CFDP1: variants seen among roughly 807,000 people sequenced by gnomAD.
The protein encoded by CFDP1 is heterochromatin-stabilizing protein CFDP1.
In CFDP1, 31 loss-of-function variants were observed where a neutral mutation model predicts 40.1. That is an observed-to-expected ratio of 0.77 (90% confidence interval 0.58 to 1.04). CFDP1 has a LOEUF of 1.04. Among genes scored for constraint, CFDP1 ranks in the 50% least tolerant of loss-of-function variants. CFDP1 has a pLI of 0.00. For missense variants in CFDP1, 423 were observed against 343.4 expected (o/e 1.23, Z -1.83); for synonymous variants, 167 against 120.0 (o/e 1.39, Z -2.56).
intron 5 of CFDP1, among the ~76,000 whole-genome samples, chr16:75,308,458 T>C (rs1177186991): frequency 6.6e-6 from 1 of 152,168 alleles, no homozygotes; most frequent in African/African-American, 2.4e-5. Context: ...GAAAAATTAT[T>C]TTCCTCGTGT....
intron 6 of CFDP1, among the ~76,000 whole-genome samples, chr16:75,303,922 G>C (rs1184670137): frequency 6.6e-6 from 1 of 152,178 alleles, no homozygotes; most frequent in East Asian, 1.9e-4. Flanking sequence ...TCTCTGGTGG[G>C]ACACTCAACA....
rs1314989344 is a variant in CFDP1 at position 75,328,171 on chromosome 16, C to G, written c.651-22989G>C. 7.0e-5 allele frequency among the ~76,000 whole-genome samples: 9 copies of G among 129,202 alleles called. 1 individual carries two copies. The East Asian group carries it at 2.1e-3, about 30-fold the overall frequency. 84.8% of individuals were successfully genotyped at this position (129,202 alleles called of 152,430 possible). A position where few individuals can be genotyped will look rare whatever the true frequency, so the allele number is the denominator to read the frequency against. ...TTTTTTTTTTTTTTTTTTTAAGAGA[C>G]AGAGGTCTCACTATGTTGCCCAGGC... On this transcript the variant is annotated intron_variant, in intron 5 of 6. Coordinates refer to ENST00000283882, the MANE Select transcript of CFDP1 (RefSeq NM_006324.3).
At chr16:75,388,520 G>C (rs2078919925) in intron 5 of CFDP1, among the ~76,000 whole-genome samples, 1 of 152,136 alleles carries the variant, frequency 6.6e-6, no homozygotes, top group African/African-American at 2.4e-5. Flanking sequence ...ACCACAAAAG[G>C]GCAAACCCCA....
intron 1 of CFDP1, among the ~76,000 whole-genome samples, chr16:75,432,967 G>A (rs528668879): frequency 4.6e-5 from 7 of 152,314 alleles, no homozygotes; most frequent in African/African-American, 1.2e-4. Flanking sequence ...CTGCCGCCCC[G>A]ACTTCTGAAG....
At chr16:75,316,391 GAATT>G (rs2078323271) in intron 5 of CFDP1, among the ~76,000 whole-genome samples, 1 of 152,078 alleles carries the variant, frequency 6.6e-6, no homozygotes, top group Non-Finnish European at 1.5e-5. Context: ...AGACTAGGGT[GAATT>G]AATAGTAAAG....
chr16:75,384,775 G>C lies in CFDP1; in HGVS notation c.650+10315C>G, dbSNP rs138727278. On this transcript the variant is annotated intron_variant, in intron 5 of 6. Coordinates refer to ENST00000283882, the MANE Select transcript of CFDP1 (RefSeq NM_006324.3). The stretch of plus-strand genomic sequence containing the variant: ...ACCAGGCAGGCATAAAAAAAATACA[G>C]ATGTTTATATTGAACCTGGAGAGAT... 4.6e-3 allele frequency among the ~76,000 whole-genome samples: 648 copies of C among 140,202 alleles called. 3 individuals carry two copies. Among genetic ancestry groups the C allele is most frequent in the African/African-American group, 0.016 (598 of 38,480 alleles). 92.0% of individuals were successfully genotyped at this position (140,202 alleles called of 152,430 possible).
chr16:75,400,180 G>A (rs1343009642), intron 4 of CFDP1, among the ~76,000 whole-genome samples: 1 of 151,968 alleles, frequency 6.6e-6, no homozygotes, highest in African/African-American at 2.4e-5. Flanking sequence ...TGCTTGGGAG[G>A]CTGAAGCAGA....
intron 5 of CFDP1, among the ~76,000 whole-genome samples, chr16:75,320,848 G>C (rs1289531136): frequency 1.3e-5 from 2 of 152,202 alleles, no homozygotes; most frequent in African/African-American, 4.8e-5. Flanking sequence ...CATGACCTGA[G>C]TCACACCAAG....
chr16:75,373,514 T>G (rs942507228), intron 5 of CFDP1, among the ~76,000 whole-genome samples: 2 of 152,314 alleles, frequency 1.3e-5, no homozygotes, highest in African/African-American at 4.8e-5. Context: ...TCTTTTTCTC[T>G]GTGACCCCTG....
intron 5 of CFDP1, among the ~76,000 whole-genome samples, chr16:75,331,428 G>A (rs2078445360): frequency 6.6e-6 from 1 of 152,098 alleles, no homozygotes; most frequent in African/African-American, 2.4e-5. Flanking sequence ...GAAATGCACA[G>A]ATTAAAGGTA....
chr16:75,314,991 A>G (rs964458339), intron 5 of CFDP1, among the ~76,000 whole-genome samples: 1 of 152,142 alleles, frequency 6.6e-6, no homozygotes, highest in African/African-American at 2.4e-5. Context: ...ACCTCAAGTG[A>G]TCCGCCTGCC....
chr16:75,339,460 T>C (rs1163106067), intron 5 of CFDP1, among the ~76,000 whole-genome samples: 1 of 151,772 alleles, frequency 6.6e-6, no homozygotes, highest in East Asian at 1.9e-4. Flanking sequence ...ATGTGAGCTT[T>C]TCAGTTTCTT....
At chr16:75,433,179 C>G (rs1282734236) in intron 1 of CFDP1, 110 bp downstream of exon 1, 3 of 928,054 alleles carry the variant, frequency 3.2e-6, no homozygotes, top group African/African-American at 5.1e-5. Flanking sequence ...AGAACAGGAG[C>G]CCCCCTGGAC....
intron 5 of CFDP1, among the ~76,000 whole-genome samples, chr16:75,381,579 C>T (rs2078852523): frequency 6.6e-6 from 1 of 152,086 alleles, no homozygotes; most frequent in Non-Finnish European, 1.5e-5. Flanking sequence ...AGTTTTGGCC[C>T]AGCAGATGAG....
chr16:75,407,622 G>C (rs551357935), intron 4 of CFDP1, among the ~76,000 whole-genome samples: 1 of 143,196 alleles, frequency 7.0e-6, no homozygotes, highest in African/African-American at 2.6e-5. Context: ...GTTGGTTGAG[G>C]CTAGCGTGAA....
At chr16:75,425,723 A>T (rs1400636877) in intron 1 of CFDP1, among the ~76,000 whole-genome samples, 1 of 151,632 alleles carries the variant, frequency 6.6e-6, no homozygotes, top group East Asian at 1.9e-4. Flanking sequence ...ATAAATAATG[A>T]TAACTGATTT....
At chr16:75,401,244 C>T (rs555143116) in intron 4 of CFDP1, among the ~76,000 whole-genome samples, 2 of 151,756 alleles carry the variant, frequency 1.3e-5, no homozygotes, top group Admixed American at 6.6e-5. Flanking sequence ...CTGGCTAATA[C>T]AGTGAAACCC....
intron 5 of CFDP1, among the ~76,000 whole-genome samples, chr16:75,382,327 C>A (rs984564524): frequency 3.9e-5 from 6 of 152,192 alleles, no homozygotes; most frequent in Non-Finnish European, 7.3e-5. Context: ...CTCGAAAACA[C>A]TGATCCTTTG....
At chr16:75,430,586 C>T (rs980032945) in intron 1 of CFDP1, among the ~76,000 whole-genome samples, 2 of 152,050 alleles carry the variant, frequency 1.3e-5, no homozygotes, top group East Asian at 3.9e-4. Flanking sequence ...GCCTCAGCCT[C>T]CCCAGTAGAT....
Sources: allele counts gnomAD v4.1 joint callset (sites outside exome capture counted in the v4.1 genomes callset), GRCh38; gene constraint gnomAD v4.1.1; transcripts MANE v1.5; gene names NCBI Gene and HGNC (gene_info 2026-07-23, HGNC 2026-07-21).